The following HM13 variants were observed in gnomAD, a reference collection of about 807,000 sequenced individuals.
HM13 encodes the protein signal peptide peptidase.
In HM13, 18 loss-of-function variants were observed where a neutral mutation model predicts 50.0. That is an observed-to-expected ratio of 0.36 (90% CI 0.25 to 0.53). The LOEUF (loss-of-function observed/expected upper bound fraction) is 0.53. Among genes scored for constraint, HM13 ranks in the 20% least tolerant of loss-of-function variants. The probability of loss-of-function intolerance (pLI) is 0.90; values close to 1 mark genes in which losing one functional copy is unlikely to be tolerated. For missense variants in HM13, 393 were observed against 552.4 expected, an observed-to-expected ratio of 0.71 and a Z score of 2.89; for synonymous variants, 197 against 232.6, an observed-to-expected ratio of 0.85 and a Z score of 1.39.
rs977034336 is a variant in HM13 at position 31,549,245 on chromosome 20, C to G, written c.579C>G (p.Ser193=). ...ACAACCTTTTTGGCCTGGCCTTCTCCCTTAATGGAGTAGAGCTCCTGCACC... is the reference window on the plus strand; with the variant it reads ...ACAACCTTTTTGGCCTGGCCTTCTCGCTTAATGGAGTAGAGCTCCTGCACC... ...IANNLFGLAF[S]LNGVELLHLN... The change falls in exon 6 of 13, where the codon TCC becomes TCG. Residue 193 remains serine, a synonymous_variant. Coordinates refer to ENST00000398174, the MANE Select transcript of HM13 (RefSeq NM_178581.3). The G allele has an allele frequency of 1.9e-6, 3 of 1,614,188 alleles. No homozygotes were observed. In the East Asian group the frequency reaches 6.7e-5, roughly 36 times the overall value.
At chr20:31,532,429 AAAAC>A (rs777351588) in intron 2 of HM13, among the ~76,000 whole-genome samples, 31 of 152,158 alleles carry the variant, frequency 2.0e-4, no homozygotes, top group Admixed American at 2.6e-4. Context: ...ATCTCAAAAC[AAAAC>A]AAACAAACAA....
chr20:31,524,442 G>C lies in HM13; in HGVS notation c.184-3042G>C, dbSNP rs1179471555. On this transcript the variant is annotated intron_variant, in intron 1 of 12. Transcript: ENST00000398174. ...AGAATTCCCACAGATGGAATTGCTT[G>C]GTCAAAGGGTATGTGCATTTGTAAT... Among the ~76,000 whole-genome samples, 3 of 152,088 alleles carry C rather than the reference G, an allele frequency of 2.0e-5. No homozygotes were observed. The East Asian group carries it at 5.8e-4, about 29-fold the overall frequency.
intron 2 of HM13, among the ~76,000 whole-genome samples, chr20:31,532,355 T>C (rs1600631155): frequency 6.6e-6 from 1 of 151,616 alleles, no homozygotes; most frequent in Non-Finnish European, 1.5e-5. Context: ...AACCAGGGAG[T>C]CGGAGGTTGC....
intron 2 of HM13, chr20:31,527,830 A>C (rs58662941): frequency 0.21 from 94,907 of 454,120 alleles, 17,401 homozygotes; most frequent in African/African-American, 0.7. Context: ...GTTTGGTTTC[A>C]TTGTACTGTT....
intron 11 of HM13, among the ~76,000 whole-genome samples, chr20:31,566,956 C>T (rs770361194): frequency 6.6e-6 from 1 of 152,082 alleles, no homozygotes; most frequent in African/African-American, 2.4e-5. Context: ...CTGTCAGTTG[C>T]GATTAAAGCT....
chr20:31,544,249 T>C (rs1217855916), intron 3 of HM13, among the ~76,000 whole-genome samples: 2 of 152,248 alleles, frequency 1.3e-5, no homozygotes, highest in Non-Finnish European at 2.9e-5. Context: ...GGCCTTGGTT[T>C]GCTAATCTTG....
Position 31,568,161 on chromosome 20 carries a change from C to T in HM13, c.1118C>T (p.Ala373Val). Residue 373 changes from alanine (A) to valine (V), a missense_variant, in exon 12 of 13, where the codon GCC (alanine) becomes GTC (valine). Around this residue, in one of 3 missense-constraint regions of HM13, gnomAD observed 105 missense variants for 115.9 expected, o/e 0.91. Transcript: ENST00000398174. Reference protein sequence around the residue: ...PTVSGSPASLADSMQQKLAGP... With the variant: ...PTVSGSPASLVDSMQQKLAGP... ...GTCTCGGGCTCCCCAGCCAGCCTGG[C>T]CGACTCCATGCAGCAGAAGCTAGCT... is the stretch of plus-strand genomic sequence containing the variant. 1 of 1,613,206 alleles carries T rather than the reference C, an allele frequency of 6.2e-7. No homozygotes were observed. The highest frequency in any genetic ancestry group is 8.5e-7 in the Non-Finnish European group (1 of 1,179,938).
chr20:31,544,798 CCT>C, intron 3 of HM13, 147 bp from the exon 4 acceptor site: 1 of 645,048 alleles, frequency 1.6e-6, no homozygotes, highest in East Asian at 2.7e-5. Flanking sequence ...CTTTTGAGGG[CCT>C]CTGTTTTCAC....
chr20:31,527,855 G>C (rs1026967417), intron 2 of HM13: 3 of 335,108 alleles, frequency 9.0e-6, no homozygotes, highest in Admixed American at 9.7e-5. Context: ...TTGGGATGGG[G>C]TATAGCTTGT....
intron 7 of HM13, among the ~76,000 whole-genome samples, chr20:31,552,055 C>T (rs974862674): frequency 2.0e-5 from 3 of 152,002 alleles, no homozygotes; most frequent in East Asian, 1.9e-4. Context: ...TGGCAGCCCC[C>T]GAGAACCAAG....
At chr20:31,544,280 A>G (rs1385632588) in intron 3 of HM13, among the ~76,000 whole-genome samples, 2 of 152,220 alleles carry the variant, frequency 1.3e-5, no homozygotes, top group Admixed American at 1.3e-4. Flanking sequence ...AGTCCAGAAA[A>G]GGTCTCTGCT....
intron 2 of HM13, among the ~76,000 whole-genome samples, chr20:31,531,362 G>GTTTCCTA (rs1477900362): frequency 6.7e-6 from 1 of 148,382 alleles, no homozygotes; most frequent in Non-Finnish European, 1.5e-5. Flanking sequence ...TTTAACACCT[G>GTTTCCTA]TTTCCTATTT....
At chr20:31,520,864 A>G (rs1453238017) in intron 1 of HM13, among the ~76,000 whole-genome samples, 1 of 152,330 alleles carries the variant, frequency 6.6e-6, no homozygotes, top group South Asian at 2.1e-4. Flanking sequence ...AGAATGGCCC[A>G]TGAATTTCAG....
chr20:31,568,184 G>A lies in HM13; in HGVS notation c.1141G>A (p.Ala381Thr), dbSNP rs1985037586. 1 of 1,613,066 alleles carries A rather than the reference G, an allele frequency of 6.2e-7. No individual in the cohort carries two copies. The highest frequency in any genetic ancestry group is 1.3e-5 in the African/African-American group (1 of 75,080). Residue 381 changes from alanine to threonine, a missense_variant, in exon 12 of 13, where the codon GCT becomes ACT. Physicochemically the swap from Ala to Thr is moderately conservative, Grantham distance 58 (BLOSUM62 0). Transcript: ENST00000398174. ...GGCCGACTCCATGCAGCAGAAGCTAGCTGGCCCTCGCCGCCGGCGCCCGCA... is the reference window on the plus strand; with the variant it reads ...GGCCGACTCCATGCAGCAGAAGCTAACTGGCCCTCGCCGCCGGCGCCCGCA... ...SLADSMQQKL[A>T]GPRRRRPQNP...
chr20:31,542,724 T>C (rs1439522666), intron 3 of HM13, among the ~76,000 whole-genome samples: 1 of 152,158 alleles, frequency 6.6e-6, no homozygotes, highest in Non-Finnish European at 1.5e-5. Flanking sequence ...AACAAAGATA[T>C]CAATCTAGAG....
intron 8 of HM13, among the ~76,000 whole-genome samples, chr20:31,555,229 A>G (rs1984245103): frequency 6.6e-6 from 1 of 152,232 alleles, no homozygotes; most frequent in African/African-American, 2.4e-5. Flanking sequence ...AGCATCTGCA[A>G]GCATCACAGA....
At chr20:31,516,293 C>G (rs978136887) in intron 1 of HM13, among the ~76,000 whole-genome samples, 1 of 152,168 alleles carries the variant, frequency 6.6e-6, no homozygotes, top group Non-Finnish European at 1.5e-5. Context: ...TCCCTGGCAC[C>G]TTCTGTACAT....
chr20:31,552,466 C>T lies in HM13; in HGVS notation c.725-2280C>T, dbSNP rs537385214. 4.6e-5 allele frequency among the ~76,000 whole-genome samples: 7 copies of T among 152,262 alleles called. No homozygotes were observed. The East Asian group carries it at 7.7e-4, about 17-fold the overall frequency. ...TGCCCCGTAGGCCACTGGAAGACTC[C>T]GAGCAGGGAAGTGGTGCTGTCATAT... On this transcript the variant is annotated intron_variant, in intron 7 of 12. Coordinates refer to ENST00000398174, the MANE Select transcript of HM13 (RefSeq NM_178581.3).
intron 8 of HM13, 87 bp from the exon 9 acceptor site, chr20:31,559,524 C>A (rs552855805): frequency 1.5e-6 from 2 of 1,298,088 alleles, no homozygotes; most frequent in East Asian, 4.6e-5. Context: ...AGATGGAACA[C>A]CAGGTTGGGG....
Sources: gnomAD v4.1 joint callset for allele counts (sites outside exome capture counted in the v4.1 genomes callset) on GRCh38, gnomAD v4.1.1 for gene constraint, gnomAD v4.1.1 regional missense constraint, MANE v1.5 for transcripts, NCBI Gene and HGNC (gene_info 2026-07-23, HGNC 2026-07-21) for gene names.